Variants in SEL1L3 observed in about 807,000 individuals in gnomAD.
The protein encoded by SEL1L3 is SEL1L family member 3.
In SEL1L3, 76 loss-of-function variants were observed where a neutral mutation model predicts 142.8. That is an observed-to-expected ratio of 0.53 (90% CI 0.44 to 0.64). SEL1L3 has a LOEUF of 0.64. SEL1L3 is among the 30% of genes least tolerant of loss of function. SEL1L3 has a pLI of 0.00. For missense variants in SEL1L3, 1,262 were observed against 1,381.7 expected (o/e 0.91, Z 1.37); for synonymous variants, 504 against 519.6 (o/e 0.97, Z 0.41).
intron 15 of SEL1L3, among the ~76,000 whole-genome samples, chr4:25,780,953 G>A (rs1190971524): frequency 6.6e-6 from 1 of 151,444 alleles, no homozygotes; most frequent in Non-Finnish European, 1.5e-5. Context: ...AGCCTCTCGA[G>A]TGCCTGAGAT....
rs375033183 is a variant in SEL1L3 at position 25,793,766 on chromosome 4, T to G, written c.1957-3192A>C. ...CTGCTACATCAAAGGCACCAACCTA[T>G]GAGCCATTCTTTTTCACTGTGCAAA... On this transcript the variant is annotated intron_variant, in intron 11 of 23. Transcript: ENST00000399878. Among the ~76,000 whole-genome samples the G allele has an allele frequency of 2.3e-3, 345 of 152,300 alleles. 1 individual carries two copies. The highest frequency in any genetic ancestry group is 8.1e-3 in the African/African-American group (335 of 41,582).
rs147554165 is a variant in SEL1L3 at position 25,822,123 on chromosome 4, C to A, written c.1163G>T (p.Arg388Leu). ...KSYHNQTISF[R>L]EDFHYNDTAG... is the part of the protein sequence containing the mutation. ...TGTGTCATTATAATGGAAATCCTCCCGGAAGCTAGAGAAGAGAATGAAGGA... is the reference window on the plus strand; with the variant it reads ...TGTGTCATTATAATGGAAATCCTCCAGGAAGCTAGAGAAGAGAATGAAGGA... Residue 388 changes from arginine (R) to leucine (L), a missense_variant, in exon 7 of 24, where the codon CGG becomes CTG. Physicochemically the swap from Arg to Leu is moderately radical, Grantham distance 102. Transcript: ENST00000399878. The A allele has an allele frequency of 6.2e-7, 1 of 1,613,918 alleles. No individual in the cohort carries two copies.
chr4:25,788,162 G>A lies in SEL1L3; in HGVS notation c.2217+62C>T. On this transcript the variant is annotated intron_variant, in intron 13 of 23. Transcript: ENST00000399878. This position sits in a 1 kb window ranked among gnomAD's most constrained non-coding sequence, Gnocchi z 5.3. ...CTCCCTGTTTGCCAGCCCGCCCACAGGAAACTGCTCAGGAGTCTGATAAGA... is the reference window on the plus strand; with the variant it reads ...CTCCCTGTTTGCCAGCCCGCCCACAAGAAACTGCTCAGGAGTCTGATAAGA... The A allele has an allele frequency of 1.1e-5, 18 of 1,567,576 alleles. No homozygotes were observed. Among genetic ancestry groups the A allele is most frequent in the Non-Finnish European group, 1.5e-5 (17 of 1,150,318 alleles).
intron 1 of SEL1L3, among the ~76,000 whole-genome samples, chr4:25,854,569 C>T (rs956921020): frequency 2.0e-5 from 3 of 152,156 alleles, no homozygotes; most frequent in African/African-American, 4.8e-5. Flanking sequence ...GAGCCTACAG[C>T]GCCTGGCCAA....
chr4:25,741,601 C>T, the SEL1L3 span, among the ~76,000 whole-genome samples: 6 of 152,108 alleles, frequency 3.9e-5, no homozygotes, highest in Admixed American at 3.3e-4. Context: ...GATTAACATA[C>T]ATTCTTTGCA....
chr4:25,794,004 T>C lies in SEL1L3; in HGVS notation c.1957-3430A>G, dbSNP rs1712538608. Among the ~76,000 whole-genome samples the C allele has an allele frequency of 2.6e-5, 4 of 152,198 alleles. No individual in the cohort carries two copies. The South Asian group carries it at 8.3e-4, about 32-fold the overall frequency. The stretch of plus-strand genomic sequence containing the variant: ...AAATTGAAATTGGACCCCTTCCTTA[T>C]ATGTTATACAAAAATTAACTCAAGA... On this transcript the variant is annotated intron_variant, in intron 11 of 23. Transcript: ENST00000399878.
intron 1 of SEL1L3, 59 bp downstream of exon 1, chr4:25,862,616 C>A (rs1717802557): frequency 2.0e-6 from 2 of 997,922 alleles, no homozygotes; most frequent in East Asian, 3.7e-5. Flanking sequence ...CGGCCGCCCC[C>A]ACCCGCGTCC....
chr4:25,853,032 G>C (rs532160211), intron 1 of SEL1L3, among the ~76,000 whole-genome samples: 1 of 152,204 alleles, frequency 6.6e-6, no homozygotes, highest in Non-Finnish European at 1.5e-5. Context: ...CACCCTGAGT[G>C]TGGTTTCAGT....
At chr4:25,716,276 T>C in the SEL1L3 span, among the ~76,000 whole-genome samples, 1 of 152,182 alleles carries the variant, frequency 6.6e-6, no homozygotes, top group Non-Finnish European at 1.5e-5. Flanking sequence ...AGGCTTATTA[T>C]AGTGATCAGG....
chr4:25,729,904 G>A, the SEL1L3 span, among the ~76,000 whole-genome samples: 1 of 151,030 alleles, frequency 6.6e-6, no homozygotes, highest in African/African-American at 2.5e-5. Context: ...ATTTTAAGTT[G>A]ACATCTTTCT....
intron 17 of SEL1L3, chr4:25,773,373 T>G (rs957061746): frequency 2.0e-5 from 3 of 152,194 alleles, no homozygotes; most frequent in African/African-American, 7.2e-5. Context: ...GTTTATTTTT[T>G]TAAGTAGAGT....
the SEL1L3 span, chr4:25,718,790 G>A: frequency 6.6e-6 from 1 of 152,184 alleles, no homozygotes; most frequent in Non-Finnish European, 1.5e-5. Flanking sequence ...CTTAGGTGAA[G>A]TCCATATAGA....
rs139792799 is a variant in SEL1L3 at position 25,796,910 on chromosome 4, C to T, written c.1956+5373G>A. ...AAAGGTAAGATCTGGGACAGTGACG[C>T]GGGAAGGACAGGGAATGGAAGAGAG... On this transcript the variant is annotated intron_variant, in intron 11 of 23. Transcript: ENST00000399878. 4.0e-3 allele frequency among the ~76,000 whole-genome samples: 587 copies of T among 146,948 alleles called. 3 individuals are homozygous for T. Among genetic ancestry groups the T allele is most frequent in the Middle Eastern group, 0.018 (5 of 282 alleles).
intron 2 of SEL1L3, among the ~76,000 whole-genome samples, chr4:25,840,790 C>T (rs1373236961): frequency 6.6e-6 from 1 of 152,206 alleles, no homozygotes; most frequent in Non-Finnish European, 1.5e-5. Context: ...GGACATGGCA[C>T]TCTTTCTCAG....
intron 20 of SEL1L3, among the ~76,000 whole-genome samples, chr4:25,763,845 C>T (rs899469402): frequency 6.6e-6 from 1 of 151,944 alleles, no homozygotes; most frequent in Non-Finnish European, 1.5e-5. Context: ...CTCAAAAAAC[C>T]CCACAAAACA....
rs552837287 is a variant in SEL1L3 at position 25,765,199 on chromosome 4, G to A, written c.2955+127C>T. 2.1e-4 allele frequency: 139 copies of A among 672,160 alleles called. 1 individual carries two copies. The South Asian group carries it at 2.3e-3, about 11-fold the overall frequency. The allele number at this position is 672,160 out of a possible 1,614,324, so 41.6% of individuals were successfully genotyped here. On this transcript the variant is annotated intron_variant, in intron 20 of 23. Coordinates refer to ENST00000399878, the MANE Select transcript of SEL1L3 (RefSeq NM_015187.5). ...TGTAGAGATGGGGTTTCGCCATGTT[G>A]CTCAGGCTGGTCCCGAATTCCTGAC...
chr4:25,759,210 T>C (rs1718212015), intron 20 of SEL1L3, 142 bp from the exon 21 acceptor site: 1 of 804,816 alleles, frequency 1.2e-6, no homozygotes, highest in South Asian at 1.9e-5. Flanking sequence ...TCTTCATTGA[T>C]GAATTGTTTC....
At chr4:25,859,788 A>G (rs1299415023) in intron 1 of SEL1L3, among the ~76,000 whole-genome samples, 1 of 152,206 alleles carries the variant, frequency 6.6e-6, no homozygotes, top group Non-Finnish European at 1.5e-5. Flanking sequence ...TCTCTTCATT[A>G]ACGATGGCAA....
In SEL1L3 at chr4:25,749,205, G is replaced by A. The variant is rs576395076; in HGVS notation, c.3260-641C>T. 1.9e-3 allele frequency among the ~76,000 whole-genome samples: 286 copies of A among 152,254 alleles called. No individual in the cohort carries two copies. In the Middle Eastern group the frequency reaches 0.027, roughly 14 times the overall value. Reference sequence around the variant, plus strand: ...GCCTCGGTTTCATCACTTGTGAATTGAGAGTCTTGGATTAGATGATCTTGA... The same window carrying A: ...GCCTCGGTTTCATCACTTGTGAATTAAGAGTCTTGGATTAGATGATCTTGA... On this transcript the variant is annotated intron_variant, in intron 23 of 23. Coordinates refer to ENST00000399878, the MANE Select transcript of SEL1L3 (RefSeq NM_015187.5).
Sources: allele counts gnomAD v4.1 joint callset (sites outside exome capture counted in the v4.1 genomes callset), GRCh38; gene constraint gnomAD v4.1.1; non-coding constraint Gnocchi (gnomAD v3.1); transcripts MANE v1.5; gene names NCBI Gene and HGNC (gene_info 2026-07-23, HGNC 2026-07-21).